UNC13B: variants seen among roughly 807,000 people sequenced by gnomAD.
UNC13B encodes the protein protein unc-13 homolog B.
Under a neutral mutation model 211.0 loss-of-function variants are expected in UNC13B, and 144 were observed. The observed-to-expected ratio is 0.68, with a 90% CI of 0.60 to 0.78. UNC13B has a LOEUF of 0.78. Ranked by LOEUF, UNC13B falls within the 30% of genes least tolerant of loss-of-function variation. The pLI is 0.00. For missense variants in UNC13B, 1,777 were observed against 2,002.0 expected (o/e 0.89, Z 2.14); for synonymous variants, 709 against 725.8 (o/e 0.98, Z 0.37).
chr9:35,205,421 T>C, intron 1 of UNC13B, among the ~76,000 whole-genome samples: 1 of 152,244 alleles, frequency 6.6e-6, no homozygotes, highest in East Asian at 1.9e-4. Context: ...CTTTAAAGTA[T>C]AAATCCAGTG....
At chr9:35,338,368 T>C (rs924661145) in intron 11 of UNC13B, among the ~76,000 whole-genome samples, 1 of 152,086 alleles carries the variant, frequency 6.6e-6, no homozygotes, top group Admixed American at 6.5e-5. Flanking sequence ...GCTTGTCGGG[T>C]CTGTTTAGGT....
At chr9:35,190,504 G>C (rs1183251719) in intron 1 of UNC13B, among the ~76,000 whole-genome samples, 1 of 152,098 alleles carries the variant, frequency 6.6e-6, no homozygotes, top group African/African-American at 2.4e-5. Context: ...GGAATGATCT[G>C]CTTTTAATTC....
At chr9:35,313,658 AAATAAAT>A (rs1172124622) in intron 10 of UNC13B, among the ~76,000 whole-genome samples, 41 of 150,994 alleles carry the variant, frequency 2.7e-4, no homozygotes, top group Admixed American at 1.5e-3. Context: ...ATAAATAAAT[AAATAAAT>A]AAATAAATAA....
chr9:35,310,885 T>C, intron 10 of UNC13B, 104 bp downstream of exon 10: 1 of 1,143,994 alleles, frequency 8.7e-7, no homozygotes, highest in Non-Finnish European at 1.2e-6. Context: ...CAGCTGGGTA[T>C]GGTGGTAGTT....
intron 11 of UNC13B, among the ~76,000 whole-genome samples, chr9:35,314,639 A>G (rs1047419972): frequency 3.9e-5 from 6 of 152,028 alleles, no homozygotes; most frequent in African/African-American, 9.7e-5. Context: ...GGGTGTAGCC[A>G]TCATCTGAAT....
At chr9:35,248,787 A>G (rs970486771) in intron 6 of UNC13B, among the ~76,000 whole-genome samples, 1 of 152,264 alleles carries the variant, frequency 6.6e-6, no homozygotes, top group African/African-American at 2.4e-5. Flanking sequence ...TATGTGGTCA[A>G]TTTTAGAGTA....
intron 1 of UNC13B, among the ~76,000 whole-genome samples, chr9:35,207,997 C>T (rs558610227): frequency 8.5e-5 from 13 of 152,230 alleles, no homozygotes; most frequent in African/African-American, 3.1e-4. Flanking sequence ...TTTTGTATGT[C>T]ATGTGAGGTT....
intron 11 of UNC13B, among the ~76,000 whole-genome samples, chr9:35,346,869 G>T (rs1587668212): frequency 6.6e-6 from 1 of 151,936 alleles, no homozygotes; most frequent in Non-Finnish European, 1.5e-5. Context: ...TCGTTTTGCT[G>T]GGCCTCTCAC....
rs779679336 is a variant in UNC13B, at chr9:35,381,734, C to T, written c.10655+15C>T. The T allele has an allele frequency of 2.0e-5, 33 of 1,610,392 alleles. No homozygotes were observed. The Admixed American group carries it at 3.8e-4, about 19-fold the overall frequency. On this transcript the variant is annotated intron_variant, in intron 20 of 39. Coordinates refer to ENST00000635942, the MANE Select transcript of UNC13B (RefSeq NM_001371189.2). The stretch of plus-strand genomic sequence containing the variant: ...CAGGCCATGACGTGAGTCTCTGCTG[C>T]GGCACCGGGAAGTGGCTACTAATCA...
chr9:35,175,949 C>T (rs953991912), intron 1 of UNC13B, among the ~76,000 whole-genome samples: 1 of 150,620 alleles, frequency 6.6e-6, no homozygotes, highest in African/African-American at 2.4e-5. Context: ...ATGCTTGAAC[C>T]CAGAAAGCAG....
intron 11 of UNC13B, among the ~76,000 whole-genome samples, chr9:35,345,370 G>A (rs1832286527): frequency 6.6e-6 from 1 of 152,106 alleles, no homozygotes; most frequent in Non-Finnish European, 1.5e-5. Context: ...TTACTAAGAT[G>A]AAGTATCAAA....
intron 6 of UNC13B, among the ~76,000 whole-genome samples, chr9:35,254,307 G>A (rs1826686116): frequency 6.6e-6 from 1 of 152,204 alleles, no homozygotes; most frequent in South Asian, 2.1e-4. Context: ...AGGATGGGAA[G>A]TCTAAAATCA....
In UNC13B at chr9:35,307,597, C is replaced by T. The variant is rs1294338937; in HGVS notation, c.8193C>T (p.Asp2731=). The change falls in exon 9 of 40, where the codon GAC becomes GAT. Residue 2731 remains aspartate (D), a synonymous_variant. Coordinates refer to ENST00000635942, the MANE Select transcript of UNC13B (RefSeq NM_001371189.2). ...ACTTTTCTCATCCTCTGCTGGAGGA[C>T]CCTGTGCTTGCTGCCAGAGAAAGTT... ...EGHFSHPLLE[D]PVLAARESCE... 5.0e-6 allele frequency: 2 copies of T among 399,088 alleles called. No homozygotes were observed. Among genetic ancestry groups the T allele is most frequent in the Non-Finnish European group, 8.8e-6 (2 of 226,208 alleles). 24.7% of individuals were successfully genotyped at this position (399,088 alleles called of 1,614,324 possible). A position where few individuals can be genotyped will look rare whatever the true frequency, so the allele number is the denominator to read the frequency against.
intron 1 of UNC13B, among the ~76,000 whole-genome samples, chr9:35,180,492 T>TA (rs900360429): frequency 2.6e-5 from 4 of 152,178 alleles, no homozygotes; most frequent in Non-Finnish European, 5.9e-5. Context: ...CTTTTTTTTT[T>TA]ACTTGCTTCA....
intron 6 of UNC13B, among the ~76,000 whole-genome samples, chr9:35,253,097 T>C (rs1039992310): frequency 6.6e-6 from 1 of 152,236 alleles, no homozygotes; most frequent in African/African-American, 2.4e-5. Flanking sequence ...AATATTACTA[T>C]GTATTTATAA....
At chr9:35,285,232 G>A (rs1828723348) in intron 7 of UNC13B, among the ~76,000 whole-genome samples, 1 of 152,142 alleles carries the variant, frequency 6.6e-6, no homozygotes. Context: ...ATTAGCACAG[G>A]AGTATTATTC....
intron 11 of UNC13B, among the ~76,000 whole-genome samples, chr9:35,343,598 T>C (rs1832159078): frequency 6.6e-6 from 1 of 152,192 alleles, no homozygotes; most frequent in Admixed American, 6.5e-5. Context: ...GGAAATGGGC[T>C]GCTTCCAGCC....
At chr9:35,226,397 C>T (rs1374040146) in intron 1 of UNC13B, among the ~76,000 whole-genome samples, 1 of 151,950 alleles carries the variant, frequency 6.6e-6, no homozygotes, top group Non-Finnish European at 1.5e-5. Flanking sequence ...TGCACATATA[C>T]ATATATGCAC....
In UNC13B at chr9:35,306,305, A is replaced by G; in HGVS notation, c.6901A>G (p.Ser2301Gly). The change falls in exon 9 of 40, where the codon AGT becomes GGT. Residue 2301 changes from serine to glycine, a missense_variant. Ser to Gly is a moderately conservative substitution (Grantham distance 56). Transcript: ENST00000635942. ...GGTTACCTCCCTTGCAGATGAGCTC[A>G]GTGTAGACAAGGACTGTCAGGAAAA... ...IEVTSLADELSVDKDCQEKLS... is the reference protein window; with the variant it reads ...IEVTSLADELGVDKDCQEKLS... 1 of 399,070 alleles carries G rather than the reference A, an allele frequency of 2.5e-6. No homozygotes were observed. Among genetic ancestry groups the G allele is most frequent in the Non-Finnish European group, 4.4e-6 (1 of 226,050 alleles). The allele number at this position is 399,070 out of a possible 1,614,324, so 24.7% of individuals were successfully genotyped here. A position where few individuals can be genotyped will look rare whatever the true frequency, so the allele number is the denominator to read the frequency against.
Sources: gnomAD v4.1 joint callset for allele counts (sites outside exome capture counted in the v4.1 genomes callset) on GRCh38, gnomAD v4.1.1 for gene constraint, MANE v1.5 for transcripts, NCBI Gene and HGNC (gene_info 2026-07-23, HGNC 2026-07-21) for gene names.